The following MALRD1 variants were observed in gnomAD, a reference collection of about 807,000 sequenced individuals.
The protein encoded by MALRD1 is MAM and LDL receptor class A domain containing 1, also known as MAM and LDL-receptor class A domain-containing protein 1.
Under a neutral mutation model 242.1 loss-of-function variants are expected in MALRD1, and 247 were observed. That is an observed-to-expected ratio of 1.02 (90% CI 0.92 to 1.13). MALRD1 has a LOEUF of 1.13. MALRD1 is among the 50% of genes most tolerant of loss of function. The pLI is 0.00. For missense variants in MALRD1, 2,989 were observed against 2,533.1 expected, an observed-to-expected ratio of 1.18 and a Z score of -3.86; for synonymous variants, 995 against 866.6, an observed-to-expected ratio of 1.15 and a Z score of -2.60.
chr10:19,453,811 G>C (rs919245311), intron 29 of MALRD1, among the ~76,000 whole-genome samples: 2 of 152,070 alleles, frequency 1.3e-5, no homozygotes, highest in African/African-American at 4.8e-5. Context: ...GGGAGGCAGA[G>C]GTTTGCAGTG....
chr10:19,176,885 T>TGC (rs1243491279), intron 14 of MALRD1, among the ~76,000 whole-genome samples: 2 of 148,596 alleles, frequency 1.3e-5, no homozygotes, highest in Non-Finnish European at 3.0e-5. Context: ...TGTGTGTGTG[T>TGC]GTGCATGGGT....
chr10:19,333,608 A>G (rs1843482712), intron 24 of MALRD1, among the ~76,000 whole-genome samples: 2 of 152,170 alleles, frequency 1.3e-5, no homozygotes, highest in East Asian at 1.9e-4. Flanking sequence ...CGATGAACAT[A>G]GGAATGCGTG....
At chr10:19,339,059 A>G (rs1843726616) in intron 24 of MALRD1, among the ~76,000 whole-genome samples, 1 of 150,556 alleles carries the variant, frequency 6.6e-6, no homozygotes. Context: ...CACACACATA[A>G]ATACACATAC....
intron 28 of MALRD1, among the ~76,000 whole-genome samples, chr10:19,440,482 T>C (rs1002762705): frequency 6.6e-6 from 1 of 152,104 alleles, no homozygotes; most frequent in African/African-American, 2.4e-5. Flanking sequence ...CTCCTAATAC[T>C]ATCCCTCCCC....
intron 21 of MALRD1, among the ~76,000 whole-genome samples, chr10:19,305,909 C>T (rs1233149258): frequency 8.0e-6 from 1 of 124,378 alleles, no homozygotes. Flanking sequence ...ATACTATATA[C>T]TATATTATAT....
At chr10:19,076,157 A>G (rs954776257) in intron 2 of MALRD1, among the ~76,000 whole-genome samples, 16 of 151,814 alleles carry the variant, frequency 1.1e-4, no homozygotes, top group African/African-American at 3.4e-4. Flanking sequence ...TTCCCTTTAG[A>G]TCATGCCAAA....
At position 19,696,649 on chromosome 10, in the gene MALRD1, G is replaced by A. The variant is rs545999726; in HGVS notation, c.6314+4095G>A. ...GGTCCAGGCACAGTGGCTCATAACTGTAATCCCAGCACTTTGGGAGGCCAA... is the reference window on the plus strand; with the variant it reads ...GGTCCAGGCACAGTGGCTCATAACTATAATCCCAGCACTTTGGGAGGCCAA... On this transcript the variant is annotated intron_variant, in intron 38 of 39. Transcript: ENST00000454679. Among the ~76,000 whole-genome samples, 59 of 152,134 alleles carry A rather than the reference G, an allele frequency of 3.9e-4. 1 individual carries two copies. The highest frequency in any genetic ancestry group is 1.4e-3 in the African/African-American group (57 of 41,502).
rs139407515 is a variant in MALRD1 at position 19,407,812 on chromosome 10, A to G, written c.4845+18203A>G. 7.2e-5 allele frequency among the ~76,000 whole-genome samples: 11 copies of G among 152,326 alleles called. No individual in the cohort carries two copies. The East Asian group carries it at 2.1e-3, about 29-fold the overall frequency. ...GTAGTAAGTGATATTGAAGCTGCAC[A>G]TATTATCCTGTTACATAGCTATGTT... is the stretch of plus-strand genomic sequence containing the variant. On this transcript the variant is annotated intron_variant, in intron 28 of 39. Coordinates refer to ENST00000454679, the MANE Select transcript of MALRD1 (RefSeq NM_001142308.3).
intron 14 of MALRD1, among the ~76,000 whole-genome samples, chr10:19,193,030 GT>G (rs2131589106): frequency 6.6e-6 from 1 of 151,890 alleles, no homozygotes; most frequent in African/African-American, 2.4e-5. Flanking sequence ...TTGTTCTTTT[GT>G]GCTCACAGGG....
intron 22 of MALRD1, among the ~76,000 whole-genome samples, chr10:19,327,042 G>T (rs1346117805): frequency 6.6e-6 from 1 of 152,054 alleles, no homozygotes; most frequent in Non-Finnish European, 1.5e-5. Flanking sequence ...TTTCATGGCT[G>T]TTGGGCAGGA....
chr10:19,284,597 C>T lies in MALRD1; in HGVS notation c.3419+1416C>T, dbSNP rs187587997. 5.0e-3 allele frequency among the ~76,000 whole-genome samples: 752 copies of T among 151,422 alleles called. 9 individuals carry two copies. The highest frequency in any genetic ancestry group is 0.018 in the African/African-American group (721 of 41,162). On this transcript the variant is annotated intron_variant, in intron 21 of 39. Coordinates refer to ENST00000454679, the MANE Select transcript of MALRD1 (RefSeq NM_001142308.3). ...GACATGAACTCATCATTTTTGATGG[C>T]TGCGTAGTATTCCATGGTGTATATG... is the stretch of plus-strand genomic sequence containing the variant.
intron 32 of MALRD1, among the ~76,000 whole-genome samples, chr10:19,542,088 T>A (rs1209393892): frequency 6.6e-6 from 1 of 152,102 alleles, no homozygotes; most frequent in East Asian, 1.9e-4. Flanking sequence ...GTTATGCAAC[T>A]AAAAATTAAA....
chr10:19,321,591 T>C (rs1402320573), intron 21 of MALRD1, among the ~76,000 whole-genome samples: 1 of 152,194 alleles, frequency 6.6e-6, no homozygotes, highest in Non-Finnish European at 1.5e-5. Flanking sequence ...ACCTGGGATA[T>C]TCATCACCTT....
At chr10:19,636,090 T>A (rs1011015530) in intron 36 of MALRD1, among the ~76,000 whole-genome samples, 3 of 152,042 alleles carry the variant, frequency 2.0e-5, no homozygotes, top group African/African-American at 7.2e-5. Flanking sequence ...TAAAATATTT[T>A]AAAAGCCTTC....
At chr10:19,209,835 C>G (rs1018049976) in intron 18 of MALRD1, among the ~76,000 whole-genome samples, 155 bp downstream of exon 18, 2 of 152,150 alleles carry the variant, frequency 1.3e-5, no homozygotes, top group Non-Finnish European at 2.9e-5. Context: ...TATCAAAGCT[C>G]TTTACATTGT....
chr10:19,498,788 C>A (rs1837838340), intron 31 of MALRD1, 142 bp downstream of exon 31: 4 of 977,640 alleles, frequency 4.1e-6, no homozygotes, highest in East Asian at 5.3e-5. Context: ...GGGCTAGTCT[C>A]TTCTATTGCA....
intron 5 of MALRD1, among the ~76,000 whole-genome samples, chr10:19,113,826 C>CAG (rs1409236301): frequency 1.4e-5 from 2 of 146,288 alleles, no homozygotes; most frequent in Non-Finnish European, 3.1e-5. Context: ...CACACACACA[C>CAG]ACACAGACAC....
At chr10:19,522,939 C>A (rs913547193) in intron 31 of MALRD1, among the ~76,000 whole-genome samples, 27 of 152,190 alleles carry the variant, frequency 1.8e-4, no homozygotes, top group Non-Finnish European at 2.8e-4. Flanking sequence ...ATGCTACCTT[C>A]TCTATAGTAG....
intron 36 of MALRD1, among the ~76,000 whole-genome samples, chr10:19,669,871 A>AT (rs1841835381): frequency 6.6e-6 from 1 of 152,094 alleles, no homozygotes; most frequent in Non-Finnish European, 1.5e-5. Flanking sequence ...ATACAGAAAA[A>AT]TTTTTGGTTA....
Sources: gnomAD v4.1 joint callset for allele counts (sites outside exome capture counted in the v4.1 genomes callset) on GRCh38, gnomAD v4.1.1 for gene constraint, MANE v1.5 for transcripts, NCBI Gene and HGNC (gene_info 2026-07-23, HGNC 2026-07-21) for gene names.